Variants in SCHIP1 observed in about 807,000 individuals in gnomAD.
SCHIP1 encodes schwannomin-interacting protein 1.
A neutral mutation model predicts 29.7 loss-of-function variants in SCHIP1; 8 were observed. The ratio of observed to expected loss-of-function variants is 0.27; its 90% CI spans 0.16 to 0.49. SCHIP1 has a LOEUF of 0.49. SCHIP1 is among the 20% of genes least tolerant of loss of function. SCHIP1 has a pLI of 0.99. For synonymous variants in SCHIP1, 76 were observed against 94.9 expected (o/e 0.80, Z 1.16); for missense variants, 193 against 294.6 (o/e 0.66, Z 2.52).
chr3:159,518,110 G>T, the SCHIP1 span, among the ~76,000 whole-genome samples: 1 of 151,722 alleles, frequency 6.6e-6, no homozygotes, highest in Non-Finnish European at 1.5e-5. Context: ...AACATTTTTG[G>T]GCAAAAAAAG....
the SCHIP1 span, among the ~76,000 whole-genome samples, chr3:159,563,238 C>T: frequency 1.5e-4 from 23 of 152,252 alleles, no homozygotes; most frequent in Admixed American, 3.9e-4. Flanking sequence ...TATTATCCCT[C>T]CATGTGATTA....
the SCHIP1 span, among the ~76,000 whole-genome samples, chr3:159,457,348 C>A: frequency 6.6e-6 from 1 of 150,884 alleles, no homozygotes; most frequent in Non-Finnish European, 1.5e-5. Context: ...TATGTTTGTC[C>A]TTACCATTCT....
chr3:159,855,581 A>G (rs1713254828), intron 1 of SCHIP1, among the ~76,000 whole-genome samples: 1 of 152,210 alleles, frequency 6.6e-6, no homozygotes, highest in African/African-American at 2.4e-5. Flanking sequence ...TATAAAATAC[A>G]ATGTGTGTAT....
chr3:159,886,222 G>C (rs778663947), exon 3 of SCHIP1: 1 of 1,614,198 alleles, frequency 6.2e-7, no homozygotes, highest in Admixed American at 1.7e-5. Context: ...AGAGTGGGAT[G>C]AACTTGCAGA....
the SCHIP1 span, among the ~76,000 whole-genome samples, chr3:159,830,454 T>C: frequency 2.0e-5 from 3 of 152,292 alleles, no homozygotes; most frequent in African/African-American, 4.8e-5. Context: ...CAGGAAACTA[T>C]TTTTTTCATA....
the SCHIP1 span, among the ~76,000 whole-genome samples, chr3:159,816,947 C>T: frequency 2.6e-5 from 4 of 152,096 alleles, no homozygotes; most frequent in African/African-American, 9.7e-5. Context: ...TCCTGACCCC[C>T]CGGCTTGATT....
the SCHIP1 span, among the ~76,000 whole-genome samples, chr3:159,710,529 G>A: frequency 6.6e-6 from 1 of 152,160 alleles, no homozygotes; most frequent in African/African-American, 2.4e-5. Flanking sequence ...ATTCCTAAAA[G>A]TGGATTTTAA....
At chr3:159,628,913 G>T in the SCHIP1 span, among the ~76,000 whole-genome samples, 2 of 151,924 alleles carry the variant, frequency 1.3e-5, no homozygotes, top group African/African-American at 4.8e-5. Flanking sequence ...ACATACAGTT[G>T]GTGGAGAATA....
At chr3:159,839,991 G>T in exon 1 of SCHIP1, 1 of 1,433,240 alleles carries the variant, frequency 7.0e-7, no homozygotes, top group Middle Eastern at 2.6e-4. Flanking sequence ...AGCTCAGCTC[G>T]CTAGCTGCGC....
chr3:159,422,360 T>C, the SCHIP1 span, among the ~76,000 whole-genome samples: 1 of 152,246 alleles, frequency 6.6e-6, no homozygotes, highest in Non-Finnish European at 1.5e-5. Context: ...AATGCTTTGC[T>C]ATTCTAAGCA....
At chr3:159,316,255 G>A in the SCHIP1 span, among the ~76,000 whole-genome samples, 3 of 152,254 alleles carry the variant, frequency 2.0e-5, no homozygotes, top group East Asian at 1.9e-4. Context: ...TTCCACCATA[G>A]GCTGTCTGCA....
At chr3:159,567,951 T>A in the SCHIP1 span, among the ~76,000 whole-genome samples, 2 of 152,186 alleles carry the variant, frequency 1.3e-5, no homozygotes, top group Non-Finnish European at 2.9e-5. Context: ...TCTTTTCATT[T>A]GTTTAGGTTT....
chr3:159,652,253 A>T, the SCHIP1 span, among the ~76,000 whole-genome samples: 29 of 152,108 alleles, frequency 1.9e-4, no homozygotes, highest in Non-Finnish European at 1.5e-4. Context: ...TTGGAGGAAA[A>T]ATTATATTTT....
At chr3:159,866,033 C>T (rs952220912) in intron 1 of SCHIP1, 130 bp from the exon 3 acceptor site, 3 of 792,042 alleles carry the variant, frequency 3.8e-6, no homozygotes, top group East Asian at 5.0e-5. Context: ...TTCAAATACT[C>T]TTATGCCGCA....
the SCHIP1 span, among the ~76,000 whole-genome samples, chr3:159,496,589 A>G: frequency 6.6e-6 from 1 of 152,200 alleles, no homozygotes; most frequent in East Asian, 1.9e-4. Context: ...GGCAATCATT[A>G]AAAAGTCAGG....
chr3:159,425,240 G>A, the SCHIP1 span, among the ~76,000 whole-genome samples: 1 of 152,144 alleles, frequency 6.6e-6, no homozygotes, highest in Admixed American at 6.5e-5. Context: ...AAAAGACACA[G>A]ACTGGCAAAT....
chr3:159,481,342 G>C, the SCHIP1 span, among the ~76,000 whole-genome samples: 2 of 152,128 alleles, frequency 1.3e-5, no homozygotes, highest in African/African-American at 4.8e-5. Context: ...AGTTTTAGGT[G>C]ATACAGTCTA....
At chr3:159,361,599 GA>G in the SCHIP1 span, among the ~76,000 whole-genome samples, 1 of 152,192 alleles carries the variant, frequency 6.6e-6, no homozygotes, top group Non-Finnish European at 1.5e-5. Flanking sequence ...CTTACATTAA[GA>G]AGGACCTTTC....
the SCHIP1 span, among the ~76,000 whole-genome samples, chr3:159,754,612 T>C: frequency 6.6e-6 from 1 of 152,242 alleles, no homozygotes; most frequent in Non-Finnish European, 1.5e-5. Context: ...TAGTCACTGA[T>C]TCCCCCTGAC....
Sources: gnomAD v4.1 joint callset for allele counts (sites outside exome capture counted in the v4.1 genomes callset) on GRCh38, gnomAD v4.1.1 for gene constraint, MANE v1.5 for transcripts, NCBI Gene and HGNC (gene_info 2026-07-23, HGNC 2026-07-21) for gene names.